APH1B: variants seen among roughly 807,000 people sequenced by gnomAD.
APH1B encodes the protein aph-1B gamma-secretase subunit.
In APH1B, 27 loss-of-function variants were observed where a neutral mutation model predicts 28.2. The ratio of observed to expected loss-of-function variants is 0.96; its 90% confidence interval spans 0.70 to 1.32. The LOEUF (loss-of-function observed/expected upper bound fraction) is 1.32. APH1B is among the 40% of genes most tolerant of loss of function. The probability of loss-of-function intolerance (pLI) is 0.00; values close to 1 mark genes in which losing one functional copy is unlikely to be tolerated. For missense variants in APH1B, 305 were observed against 313.6 expected (o/e 0.97, Z 0.21); for synonymous variants, 141 against 124.6 (o/e 1.13, Z -0.88).
intron 4 of APH1B, among the ~76,000 whole-genome samples, chr15:63,290,059 C>A (rs750917047): frequency 3.3e-5 from 5 of 151,720 alleles, no homozygotes; most frequent in African/African-American, 9.7e-5. Context: ...CCCTAAATAT[C>A]TCATTTTATA....
intron 2 of APH1B, among the ~76,000 whole-genome samples, chr15:63,280,795 G>A (rs939648762): frequency 7.9e-5 from 12 of 152,146 alleles, no homozygotes; most frequent in African/African-American, 2.7e-4. Flanking sequence ...TTTCTGGTAT[G>A]TGGCAGTTAC....
At chr15:63,279,596 G>A (rs2038363619) in intron 2 of APH1B, among the ~76,000 whole-genome samples, 1 of 152,082 alleles carries the variant, frequency 6.6e-6, no homozygotes, top group African/African-American at 2.4e-5. Context: ...ATACATCAGT[G>A]ATTAAAAGAC....
intron 4 of APH1B, among the ~76,000 whole-genome samples, chr15:63,295,984 G>A (rs897964355): frequency 6.6e-6 from 1 of 152,112 alleles, no homozygotes; most frequent in African/African-American, 2.4e-5. Flanking sequence ...ATTTTCTAGG[G>A]GGACTTTAAA....
chr15:63,305,912 T>G lies in APH1B; in HGVS notation c.*131T>G. 1 of 1,235,806 alleles carries G rather than the reference T, an allele frequency of 8.1e-7. No homozygotes were observed. The highest frequency in any genetic ancestry group is 1.1e-6 in the Non-Finnish European group (1 of 913,658). The allele number at this position is 1,235,806 out of a possible 1,614,324, so 76.6% of individuals were successfully genotyped here. ...AAAACTATGCAGATATGCGTTCCAT[T>G]CACTTGGCTTTCACACAACTGCTCT... On this transcript the variant is annotated 3_prime_UTR_variant, in exon 6 of 6. Transcript: ENST00000261879.
At chr15:63,278,592 G>T (rs2038351388) in intron 1 of APH1B, among the ~76,000 whole-genome samples, 1 of 152,188 alleles carries the variant, frequency 6.6e-6, no homozygotes, top group Non-Finnish European at 1.5e-5. Context: ...AGAATCCCCA[G>T]GGGTGCTGTA....
chr15:63,303,702 C>G (rs902586651), intron 5 of APH1B, among the ~76,000 whole-genome samples: 1 of 151,990 alleles, frequency 6.6e-6, no homozygotes, highest in Non-Finnish European at 1.5e-5. Context: ...TATGTTGCTC[C>G]GGCTGGCTTC....
chr15:63,285,867 C>A (rs2038440135), intron 2 of APH1B, among the ~76,000 whole-genome samples: 1 of 152,212 alleles, frequency 6.6e-6, no homozygotes, highest in Non-Finnish European at 1.5e-5. Context: ...AGTATCAGAT[C>A]ACTTTCTCCC....
At chr15:63,302,674 AT>A (rs534969407) in intron 5 of APH1B, among the ~76,000 whole-genome samples, 9 of 151,938 alleles carry the variant, frequency 5.9e-5, no homozygotes, top group African/African-American at 1.9e-4. Flanking sequence ...TTATTGAAAT[AT>A]TTTTTTCCCT....
chr15:63,290,018 A>G (rs1233343615), intron 4 of APH1B, among the ~76,000 whole-genome samples: 2 of 152,126 alleles, frequency 1.3e-5, no homozygotes, highest in African/African-American at 4.8e-5. Flanking sequence ...AAAAAAAAAA[A>G]AGAATTTCAT....
chr15:63,278,917 G>A (rs1338542449), intron 1 of APH1B, among the ~76,000 whole-genome samples: 2 of 152,204 alleles, frequency 1.3e-5, no homozygotes, highest in Non-Finnish European at 2.9e-5. Context: ...CAAGTAGCAG[G>A]GTCATTGAAA....
intron 4 of APH1B, among the ~76,000 whole-genome samples, chr15:63,295,850 T>C (rs979214334): frequency 1.3e-5 from 2 of 152,206 alleles, no homozygotes; most frequent in Non-Finnish European, 2.9e-5. Flanking sequence ...ATTGGAAGTA[T>C]TTTGGACCAT....
chr15:63,277,722 C>T lies in APH1B; in HGVS notation c.99C>T (p.Ile33=). The T allele has an allele frequency of 6.2e-7, 1 of 1,611,132 alleles. No homozygotes were observed. The highest frequency in any genetic ancestry group is 1.3e-5 in the African/African-American group (1 of 74,712). Residue 33 remains isoleucine (I), a synonymous_variant, in exon 1 of 6, where the codon ATC becomes ATT. Transcript: ENST00000261879. ...TCGCCACCGAGCCGTTGCGTATCAT[C>T]TTCCTCATCGCCGGGTGAGGCGGTC... ...FTIATEPLRI[I]FLIAGAFFWL...
Position 63,306,996 on chromosome 15 carries a change from T to C in APH1B, c.*1215T>C, listed in dbSNP as rs115902954. 501 of 152,350 alleles carry C rather than the reference T, an allele frequency of 3.3e-3. 7 individuals carry two copies. The highest frequency in any genetic ancestry group is 0.012 in the African/African-American group (482 of 41,592). The allele number at this position is 152,350 out of a possible 1,614,324, so 9.4% of individuals were successfully genotyped here. A position where few individuals can be genotyped will look rare whatever the true frequency, so the allele number is the denominator to read the frequency against. ...CAGACAGGTCCTTTGATTTCCTTTA[T>C]AAAGGGAAAATTCTGGCAAATCGTG... On this transcript the variant is annotated 3_prime_UTR_variant, in exon 6 of 6. Transcript: ENST00000261879.
chr15:63,278,377 C>A, intron 1 of APH1B: 1 of 456,496 alleles, frequency 2.2e-6, no homozygotes, highest in Non-Finnish European at 4.4e-6. Context: ...CTCTGGTGTC[C>A]CATCGCAGTC....
intron 2 of APH1B, among the ~76,000 whole-genome samples, chr15:63,284,817 G>A (rs2038429043): frequency 6.6e-6 from 1 of 152,078 alleles, no homozygotes; most frequent in South Asian, 2.1e-4. Context: ...TCTCAACTAG[G>A]CCTGTTTTTC....
chr15:63,283,333 A>T (rs1037435647), intron 2 of APH1B, among the ~76,000 whole-genome samples: 3 of 152,122 alleles, frequency 2.0e-5, no homozygotes, highest in Admixed American at 6.5e-5. Flanking sequence ...GGCTCAAGCA[A>T]TCCTCCCACC....
chr15:63,299,566 G>A (rs538328622), intron 4 of APH1B, among the ~76,000 whole-genome samples: 84 of 151,982 alleles, frequency 5.5e-4, no homozygotes, highest in Middle Eastern at 3.4e-3. Context: ...CACCACGCCC[G>A]GCTAATTTTT....
At chr15:63,281,556 A>C (rs1471001721) in intron 2 of APH1B, among the ~76,000 whole-genome samples, 2 of 151,992 alleles carry the variant, frequency 1.3e-5, no homozygotes, top group African/African-American at 4.8e-5. Context: ...AAAAAACAAA[A>C]AAAAACACAA....
intron 4 of APH1B, among the ~76,000 whole-genome samples, chr15:63,297,922 C>T (rs2038585003): frequency 1.3e-5 from 2 of 152,076 alleles, no homozygotes; most frequent in East Asian, 1.9e-4. Context: ...ATAAATGAGC[C>T]GAGTATGAAC....
Sources: gnomAD v4.1 joint callset for allele counts (sites outside exome capture counted in the v4.1 genomes callset) on GRCh38, gnomAD v4.1.1 for gene constraint, MANE v1.5 for transcripts, NCBI Gene and HGNC (gene_info 2026-07-23, HGNC 2026-07-21) for gene names.